ALK: variants seen among roughly 807,000 people sequenced by gnomAD.
ALK encodes ALK tyrosine kinase receptor.
ALK carries 74 observed loss-of-function variants against 163.1 expected under a neutral mutation model. That is an observed-to-expected ratio of 0.45 (90% CI 0.38 to 0.55). The LOEUF is 0.55. ALK is among the 20% of genes least tolerant of loss of function. ALK has a pLI of 0.00. For missense variants in ALK, 2,063 were observed against 2,105.3 expected (o/e 0.98, Z 0.39); for synonymous variants, 960 against 843.2 (o/e 1.14, Z -2.40).
chr2:29,846,255 C>G (rs1032288418), intron 1 of ALK, among the ~76,000 whole-genome samples: 32 of 152,206 alleles, frequency 2.1e-4, no homozygotes, highest in African/African-American at 7.2e-4. Context: ...ACTTGCCCCC[C>G]CACCTGACCG....
chr2:29,867,439 G>A (rs1490118746), intron 1 of ALK, among the ~76,000 whole-genome samples: 2 of 152,128 alleles, frequency 1.3e-5, no homozygotes, highest in African/African-American at 2.4e-5. Context: ...TTGATCAAAC[G>A]ACAAGGTTCA....
chr2:29,874,090 A>G (rs1666643709), intron 1 of ALK, among the ~76,000 whole-genome samples: 1 of 152,206 alleles, frequency 6.6e-6, no homozygotes, highest in Non-Finnish European at 1.5e-5. Context: ...CTGACCAAAT[A>G]TAGCAATGCA....
chr2:29,912,502 C>T (rs911590469), intron 1 of ALK, among the ~76,000 whole-genome samples: 2 of 151,920 alleles, frequency 1.3e-5, no homozygotes, highest in African/African-American at 4.8e-5. Context: ...GAGAATTTAT[C>T]GTCAATAGTC....
chr2:29,823,405 G>C (rs1191980929), intron 1 of ALK, among the ~76,000 whole-genome samples: 1 of 152,190 alleles, frequency 6.6e-6, no homozygotes, highest in Non-Finnish European at 1.5e-5. Flanking sequence ...CTGGGTAACA[G>C]GCAGAGGCTG....
intron 4 of ALK, among the ~76,000 whole-genome samples, chr2:29,397,798 A>T (rs1669346388): frequency 6.6e-6 from 1 of 152,204 alleles, no homozygotes; most frequent in Non-Finnish European, 1.5e-5. Flanking sequence ...GATACTAGGA[A>T]GTGTTTGCTA....
chr2:29,610,194 A>G (rs1269142778), intron 3 of ALK, among the ~76,000 whole-genome samples: 1 of 152,194 alleles, frequency 6.6e-6, no homozygotes, highest in African/African-American at 2.4e-5. Flanking sequence ...GTTATTTCAC[A>G]TGCTGCAACA....
At chr2:29,630,492 A>G (rs536880429) in intron 3 of ALK, among the ~76,000 whole-genome samples, 2 of 152,288 alleles carry the variant, frequency 1.3e-5, no homozygotes, top group South Asian at 2.1e-4. Flanking sequence ...AAATGAGAAG[A>G]AAATGTTAAG....
At chr2:29,224,959 T>C (rs1375092072) in intron 19 of ALK, among the ~76,000 whole-genome samples, 1 of 152,234 alleles carries the variant, frequency 6.6e-6, no homozygotes, top group African/African-American at 2.4e-5. Flanking sequence ...CTGAGTTCTC[T>C]GTGACCTGCA....
intron 3 of ALK, among the ~76,000 whole-genome samples, chr2:29,572,518 C>T (rs1445783076): frequency 2.0e-5 from 3 of 152,066 alleles, no homozygotes; most frequent in Non-Finnish European, 4.4e-5. Flanking sequence ...CCTGGTATGC[C>T]CCCCTGACCT....
intron 4 of ALK, among the ~76,000 whole-genome samples, chr2:29,504,070 A>C (rs2148134220): frequency 6.6e-6 from 1 of 152,270 alleles, no homozygotes; most frequent in East Asian, 1.9e-4. Flanking sequence ...AAAGGAGCTA[A>C]ACACAACACT....
intron 19 of ALK, chr2:29,224,567 C>G (rs963790525): frequency 4.3e-6 from 1 of 229,892 alleles, no homozygotes; most frequent in South Asian, 1.8e-4. Context: ...TGGGTAGATT[C>G]TGTGTGTAAA....
At chr2:29,813,083 C>T (rs1664797863) in intron 1 of ALK, among the ~76,000 whole-genome samples, 1 of 152,180 alleles carries the variant, frequency 6.6e-6, no homozygotes, top group Admixed American at 6.5e-5. Flanking sequence ...GGATTTCAGA[C>T]TGGAAGACAT....
chr2:29,619,023 A>C (rs1675947005), intron 3 of ALK, among the ~76,000 whole-genome samples: 1 of 152,120 alleles, frequency 6.6e-6, no homozygotes, highest in Admixed American at 6.5e-5. Flanking sequence ...CACTTGAAAA[A>C]TAGTTGTGTA....
At position 29,720,179 on chromosome 2, in the gene ALK, T is replaced by C. The variant is rs187515882; in HGVS notation, c.668-2482A>G. Among the ~76,000 whole-genome samples, 1,020 of 151,764 alleles carry C rather than the reference T, an allele frequency of 6.7e-3. 5 individuals carry two copies. Among genetic ancestry groups the C allele is most frequent in the Non-Finnish European group, 0.011 (754 of 67,932 alleles). ...TACAGAATGGCAGATAACTTTAATA[T>C]GAATGGGGGCCAGATAATATATTCA... On this transcript the variant is annotated intron_variant, in intron 1 of 28. Coordinates refer to ENST00000389048, the MANE Select transcript of ALK (RefSeq NM_004304.5).
At chr2:29,583,042 G>GTTTTTT (rs34611118) in intron 3 of ALK, among the ~76,000 whole-genome samples, 57,435 of 143,346 alleles carry the variant, frequency 0.4, 12,879 homozygotes, top group Non-Finnish European at 0.51. Flanking sequence ...TTTGTTTTTT[G>GTTTTTT]TTTTTTTGTT....
intron 3 of ALK, among the ~76,000 whole-genome samples, chr2:29,567,996 C>G (rs771895462): frequency 3.9e-5 from 6 of 152,118 alleles, no homozygotes; most frequent in Non-Finnish European, 8.8e-5. Flanking sequence ...AGATGATTTA[C>G]CAGCGTATAT....
chr2:29,396,866 T>C (rs906029853), intron 4 of ALK, among the ~76,000 whole-genome samples: 42 of 135,478 alleles, frequency 3.1e-4, no homozygotes, highest in Non-Finnish European at 5.9e-4. Context: ...TTTTTGCTAC[T>C]TGGCTACTCC....
chr2:29,619,924 G>A (rs1359029100), intron 3 of ALK, among the ~76,000 whole-genome samples: 1 of 152,190 alleles, frequency 6.6e-6, no homozygotes, highest in East Asian at 1.9e-4. Context: ...CCCACAGTGA[G>A]GGGCATCGAG....
rs116818832 is a variant in ALK, at chr2:29,595,943, C to T, written c.953-63827G>A. 8.5e-3 allele frequency among the ~76,000 whole-genome samples: 1,297 copies of T among 152,226 alleles called. 20 individuals are homozygous for T. The highest frequency in any genetic ancestry group is 9.7e-3 in the Non-Finnish European group (657 of 68,014). On this transcript the variant is annotated intron_variant, in intron 3 of 28. Transcript: ENST00000389048. Reference sequence around the variant, plus strand: ...CTGGACGAAGATAAGGTGTCGTGCTCCAGTAGCGGCAAGCTGGCTTGATAA... The same window carrying T: ...CTGGACGAAGATAAGGTGTCGTGCTTCAGTAGCGGCAAGCTGGCTTGATAA...
Sources: allele counts gnomAD v4.1 joint callset (sites outside exome capture counted in the v4.1 genomes callset), GRCh38; gene constraint gnomAD v4.1.1; transcripts MANE v1.5; gene names NCBI Gene and HGNC (gene_info 2026-07-23, HGNC 2026-07-21).